RERG: variants seen among roughly 807,000 people sequenced by gnomAD.
The protein encoded by RERG is ras-related and estrogen-regulated growth inhibitor.
In RERG, 25 loss-of-function variants were observed where a neutral mutation model predicts 23.2. The ratio of observed to expected loss-of-function variants is 1.08; its 90% CI spans 0.79 to 1.50. RERG has a LOEUF of 1.50. RERG is among the 40% of genes most tolerant of loss of function. RERG has a pLI of 0.00. For synonymous variants in RERG, 81 were observed against 89.1 expected (o/e 0.91, Z 0.51); for missense variants, 253 against 250.1 (o/e 1.01, Z -0.08).
intron 2 of RERG, among the ~76,000 whole-genome samples, chr12:15,192,715 G>C (rs911140610): frequency 1.3e-4 from 20 of 151,972 alleles, no homozygotes; most frequent in African/African-American, 4.8e-4. Context: ...GTATTTACTT[G>C]TCATGTTTCC....
intron 2 of RERG, among the ~76,000 whole-genome samples, chr12:15,175,904 T>A: frequency 6.6e-6 from 1 of 152,146 alleles, no homozygotes; most frequent in East Asian, 1.9e-4. Context: ...GGCTGCTGAT[T>A]TTCCAGGCTA....
intron 2 of RERG, among the ~76,000 whole-genome samples, chr12:15,186,048 G>T (rs970767241): frequency 2.0e-5 from 3 of 151,742 alleles, no homozygotes; most frequent in Admixed American, 2.0e-4. Context: ...ATCAAAAATT[G>T]AACTGAGAAA....
At chr12:15,205,181 G>A (rs1429170789) in intron 2 of RERG, among the ~76,000 whole-genome samples, 5 of 151,808 alleles carry the variant, frequency 3.3e-5, no homozygotes, top group Non-Finnish European at 7.4e-5. Context: ...AGTTATACAC[G>A]CTCAGGAAAA....
chr12:15,111,123 T>C (rs190198582), intron 4 of RERG: 151 of 412,376 alleles, frequency 3.7e-4, no homozygotes, highest in African/African-American at 2.6e-3. Context: ...GTGAATATTA[T>C]AGTATTTTCA....
intron 2 of RERG, among the ~76,000 whole-genome samples, chr12:15,126,653 AAG>A: frequency 6.6e-6 from 1 of 152,278 alleles, no homozygotes; most frequent in African/African-American, 2.4e-5. Context: ...AAGTCAAAGA[AAG>A]GGGAAAAGAA....
rs1204864053 is a variant in RERG, at chr12:15,108,386, C to A, written c.*724G>T. The stretch of plus-strand genomic sequence containing the variant: ...AAAGACTTCCAATGTTTTTATATCA[C>A]CCTGACTTGATGAAAAAAGGCCCAG... On this transcript the variant is annotated 3_prime_UTR_variant, in exon 5 of 5. Coordinates refer to ENST00000256953, the MANE Select transcript of RERG (RefSeq NM_032918.3). The A allele has an allele frequency of 1.3e-5, 2 of 152,598 alleles. No individual in the cohort carries two copies. Among genetic ancestry groups the A allele is most frequent in the South Asian group, 4.1e-4 (2 of 4,828 alleles). 9.5% of individuals were successfully genotyped at this position (152,598 alleles called of 1,614,324 possible).
chr12:15,153,065 A>G (rs1864468739), intron 2 of RERG, among the ~76,000 whole-genome samples: 1 of 152,160 alleles, frequency 6.6e-6, no homozygotes, highest in Non-Finnish European at 1.5e-5. Flanking sequence ...TGAGTCACAT[A>G]TTTACACTTA....
At chr12:15,166,512 T>TGATGGTGGG (rs1864691118) in intron 2 of RERG, among the ~76,000 whole-genome samples, 1 of 147,474 alleles carries the variant, frequency 6.8e-6, no homozygotes, top group Admixed American at 6.8e-5. Context: ...GGGATGGTGG[T>TGATGGTGGG]GATGGTGGTG....
chr12:15,172,712 T>G (rs1481795979), intron 2 of RERG, among the ~76,000 whole-genome samples: 3 of 152,134 alleles, frequency 2.0e-5, no homozygotes, highest in Admixed American at 6.6e-5. Context: ...GGTTTTGATT[T>G]GCATTTCCCT....
At chr12:15,157,226 T>A (rs1325721189) in intron 2 of RERG, among the ~76,000 whole-genome samples, 1 of 152,234 alleles carries the variant, frequency 6.6e-6, no homozygotes, top group Non-Finnish European at 1.5e-5. Flanking sequence ...ATTTTGCATA[T>A]AAGACAGATG....
chr12:15,137,489 C>G (rs1328846901), intron 2 of RERG, among the ~76,000 whole-genome samples: 1 of 150,662 alleles, frequency 6.6e-6, no homozygotes. Context: ...TTGGTTTTAC[C>G]TGCGCATTTT....
chr12:15,142,150 T>A (rs985542963), intron 2 of RERG, among the ~76,000 whole-genome samples: 2 of 152,238 alleles, frequency 1.3e-5, no homozygotes, highest in African/African-American at 4.8e-5. Flanking sequence ...CATTAATAAA[T>A]GTGTTAAAAA....
chr12:15,150,461 A>G (rs1290825320), intron 2 of RERG, among the ~76,000 whole-genome samples: 1 of 152,198 alleles, frequency 6.6e-6, no homozygotes, highest in Admixed American at 6.5e-5. Flanking sequence ...GGGATAAAGA[A>G]TATCTAACTC....
At chr12:15,193,186 T>C (rs1013885010) in intron 2 of RERG, among the ~76,000 whole-genome samples, 3 of 152,174 alleles carry the variant, frequency 2.0e-5, no homozygotes, top group African/African-American at 7.2e-5. Context: ...AATTTGTTAA[T>C]TGGAATTGTG....
intron 2 of RERG, among the ~76,000 whole-genome samples, chr12:15,189,106 T>C (rs764528533): frequency 1.3e-5 from 2 of 152,222 alleles, no homozygotes; most frequent in South Asian, 4.1e-4. Flanking sequence ...TACCCTTGTT[T>C]TCAACCTCTC....
At chr12:15,123,432 A>G (rs1022407866) in intron 2 of RERG, among the ~76,000 whole-genome samples, 1 of 150,382 alleles carries the variant, frequency 6.6e-6, no homozygotes, top group Non-Finnish European at 1.5e-5. Flanking sequence ...GTTTTTGAGC[A>G]TATATATGTG....
chr12:15,153,000 C>T (rs549393639), intron 2 of RERG, among the ~76,000 whole-genome samples: 7 of 152,180 alleles, frequency 4.6e-5, no homozygotes, highest in African/African-American at 1.7e-4. Flanking sequence ...TGAACATGAG[C>T]CCCTTATAAG....
chr12:15,191,675 C>A (rs1865073417), intron 2 of RERG, among the ~76,000 whole-genome samples: 1 of 152,128 alleles, frequency 6.6e-6, no homozygotes, highest in Non-Finnish European at 1.5e-5. Flanking sequence ...CTTGTCTCCA[C>A]TTCTGCTATG....
At chr12:15,155,972 G>A in intron 2 of RERG, among the ~76,000 whole-genome samples, 1 of 147,698 alleles carries the variant, frequency 6.8e-6, no homozygotes, top group East Asian at 2.0e-4. Context: ...AAGTGCACAT[G>A]TACCCTAAAA....
Sources: gnomAD v4.1 joint callset for allele counts (sites outside exome capture counted in the v4.1 genomes callset) on GRCh38, gnomAD v4.1.1 for gene constraint, MANE v1.5 for transcripts, NCBI Gene and HGNC (gene_info 2026-07-23, HGNC 2026-07-21) for gene names.